Variants in PRKCA observed in about 807,000 individuals in gnomAD.
PRKCA encodes the protein protein kinase C alpha type.
Under a neutral mutation model 87.0 loss-of-function variants are expected in PRKCA, and 27 were observed. That is an observed-to-expected ratio of 0.31 (90% CI 0.23 to 0.43). PRKCA has a LOEUF of 0.43. Among genes scored for constraint, PRKCA ranks in the 20% least tolerant of loss-of-function variants. The probability of loss-of-function intolerance (pLI) is 1.00; values close to 1 mark genes in which losing one functional copy is unlikely to be tolerated. For synonymous variants in PRKCA, 329 were observed against 311.1 expected (o/e 1.06, Z -0.61); for missense variants, 518 against 852.3 (o/e 0.61, Z 4.88).
At chr17:66,313,569 A>G (rs1905173737) in intron 2 of PRKCA, among the ~76,000 whole-genome samples, 1 of 152,168 alleles carries the variant, frequency 6.6e-6, no homozygotes, top group Non-Finnish European at 1.5e-5. Context: ...CTATAGCAGG[A>G]GGGGGAAAAT....
At chr17:66,767,548 G>A (rs1482758369) in intron 13 of PRKCA, among the ~76,000 whole-genome samples, 1 of 152,152 alleles carries the variant, frequency 6.6e-6, no homozygotes, top group African/African-American at 2.4e-5. Context: ...CTTACATGAA[G>A]GAGGAAGTTT....
intron 2 of PRKCA, among the ~76,000 whole-genome samples, chr17:66,404,742 CTTTTTTTTTTTTTTT>C (rs773919783): frequency 7.4e-5 from 4 of 54,246 alleles, no homozygotes; most frequent in Admixed American, 3.1e-4. Context: ...GATGGTAGGC[CTTTTTTTTTTTTTTT>C]TTTTTTTTTT....
intron 8 of PRKCA, among the ~76,000 whole-genome samples, chr17:66,717,673 A>G (rs530046859): frequency 1.1e-4 from 17 of 152,216 alleles, no homozygotes; most frequent in Non-Finnish European, 2.5e-4. Context: ...TCTGTAGAGA[A>G]CAGAGCGTCC....
At chr17:66,542,967 A>C (rs1968033845) in intron 3 of PRKCA, among the ~76,000 whole-genome samples, 1 of 152,202 alleles carries the variant, frequency 6.6e-6, no homozygotes. Flanking sequence ...TCTTGGAGTT[A>C]CAGTTAAGAG....
At chr17:66,722,786 G>C (rs968031707) in intron 8 of PRKCA, among the ~76,000 whole-genome samples, 2 of 152,012 alleles carry the variant, frequency 1.3e-5, no homozygotes, top group African/African-American at 4.8e-5. Flanking sequence ...CTGGATTCTG[G>C]GTTGTTGAAT....
intron 3 of PRKCA, among the ~76,000 whole-genome samples, chr17:66,578,884 C>G (rs1969327038): frequency 6.6e-6 from 1 of 152,230 alleles, no homozygotes; most frequent in Non-Finnish European, 1.5e-5. Flanking sequence ...TCATCTGTTT[C>G]GACCTGTGGG....
At chr17:66,754,956 G>T (rs1176671743) in intron 13 of PRKCA, among the ~76,000 whole-genome samples, 2 of 152,230 alleles carry the variant, frequency 1.3e-5, no homozygotes, top group East Asian at 3.9e-4. Context: ...AGTCACACTG[G>T]GGGTTAGGGC....
At chr17:66,595,521 G>A (rs571879782) in intron 3 of PRKCA, among the ~76,000 whole-genome samples, 51 of 142,506 alleles carry the variant, frequency 3.6e-4, no homozygotes, top group Non-Finnish European at 5.9e-4. Flanking sequence ...GTGCAGTGGC[G>A]CAATCTCGGC....
At chr17:66,642,670 C>G (rs1971333117) in intron 4 of PRKCA, among the ~76,000 whole-genome samples, 1 of 152,164 alleles carries the variant, frequency 6.6e-6, no homozygotes, top group Non-Finnish European at 1.5e-5. Flanking sequence ...AAACGAGCAT[C>G]ATAGAGTAGA....
intron 2 of PRKCA, among the ~76,000 whole-genome samples, chr17:66,320,853 A>AT (rs1467370882): frequency 1.3e-5 from 2 of 152,210 alleles, no homozygotes; most frequent in Non-Finnish European, 1.5e-5. Flanking sequence ...AAATGTACAT[A>AT]TTTTTAGTAG....
At chr17:66,796,513 A>C in intron 16 of PRKCA, 9 of 985,326 alleles carry the variant, frequency 9.1e-6, no homozygotes, top group Non-Finnish European at 1.1e-5. Context: ...CGTTTCCAGA[A>C]CCTTGGGTGA....
intron 3 of PRKCA, among the ~76,000 whole-genome samples, chr17:66,610,212 A>C (rs1970317880): frequency 6.6e-6 from 1 of 152,134 alleles, no homozygotes. Flanking sequence ...GTTTATTATC[A>C]AGGATATTAC....
At chr17:66,477,477 A>G (rs1598705291) in intron 2 of PRKCA, among the ~76,000 whole-genome samples, 1 of 152,090 alleles carries the variant, frequency 6.6e-6, no homozygotes, top group African/African-American at 2.4e-5. Flanking sequence ...AGGCGGGCGG[A>G]CCACCTGAAG....
chr17:66,534,124 C>T (rs1567881637), intron 3 of PRKCA, among the ~76,000 whole-genome samples: 1 of 150,474 alleles, frequency 6.6e-6, no homozygotes, highest in Non-Finnish European at 1.5e-5. Context: ...TCACCTTGAC[C>T]ACTTTCTTCC....
chr17:66,697,914 G>C (rs954765898), intron 8 of PRKCA, among the ~76,000 whole-genome samples: 5 of 152,040 alleles, frequency 3.3e-5, no homozygotes, highest in African/African-American at 1.2e-4. Context: ...AGTATTTCAG[G>C]ACACCATCCT....
chr17:66,759,986 T>C (rs1974646420), intron 13 of PRKCA, among the ~76,000 whole-genome samples: 1 of 152,208 alleles, frequency 6.6e-6, no homozygotes, highest in African/African-American at 2.4e-5. Flanking sequence ...ATTTGAAGGC[T>C]TCAGTGCCCC....
At chr17:66,437,243 A>G (rs955675395) in intron 2 of PRKCA, among the ~76,000 whole-genome samples, 4 of 152,244 alleles carry the variant, frequency 2.6e-5, no homozygotes, top group African/African-American at 7.2e-5. Flanking sequence ...TTGGCAAACA[A>G]TGGTGGGCAG....
intron 2 of PRKCA, among the ~76,000 whole-genome samples, chr17:66,316,738 T>C (rs1334439094): frequency 2.0e-5 from 3 of 152,090 alleles, no homozygotes; most frequent in Admixed American, 2.0e-4. Flanking sequence ...TAGCATCATG[T>C]TGGGAGTCCA....
At chr17:66,543,055 C>T (rs1299645925) in intron 3 of PRKCA, among the ~76,000 whole-genome samples, 4 of 152,170 alleles carry the variant, frequency 2.6e-5, no homozygotes, top group African/African-American at 7.2e-5. Context: ...CAAAGCTATG[C>T]ACTTCCGTAA....
Sources: gnomAD v4.1 joint callset for allele counts (sites outside exome capture counted in the v4.1 genomes callset) on GRCh38, gnomAD v4.1.1 for gene constraint, MANE v1.5 for transcripts, NCBI Gene and HGNC (gene_info 2026-07-23, HGNC 2026-07-21) for gene names.